Variants in XPOT observed in about 807,000 individuals in gnomAD.
The protein encoded by XPOT is exportin-T.
A neutral mutation model predicts 128.2 loss-of-function variants in XPOT; 34 were observed. The observed-to-expected ratio is 0.27, with a 90% CI of 0.20 to 0.35. The LOEUF (loss-of-function observed/expected upper bound fraction) is 0.35, where lower values mean the gene tolerates loss of function less well. Among genes scored for constraint, XPOT ranks in the 10% least tolerant of loss-of-function variants. The pLI, the probability that XPOT is intolerant of heterozygous loss-of-function variation, is 1.00. For missense variants in XPOT, 838 were observed against 1,125.3 expected (o/e 0.74, Z 3.65); for synonymous variants, 348 against 394.3 (o/e 0.88, Z 1.39).
chr12:64,414,826 C>A, intron 2 of XPOT, 81 bp from the exon 3 acceptor site: 1 of 858,928 alleles, frequency 1.2e-6, no homozygotes, highest in Non-Finnish European at 2.0e-6. Flanking sequence ...AGGTTTGCAA[C>A]TCTCAGAATA....
At chr12:64,433,777 A>T (rs2040259272) in intron 19 of XPOT, among the ~76,000 whole-genome samples, 174 bp downstream of exon 19, 1 of 152,180 alleles carries the variant, frequency 6.6e-6, no homozygotes, top group Non-Finnish European at 1.5e-5. Context: ...AAAGCACCTA[A>T]AATTAATTTG....
At chr12:64,414,027 G>A (rs2040064732) in intron 2 of XPOT, among the ~76,000 whole-genome samples, 1 of 152,140 alleles carries the variant, frequency 6.6e-6, no homozygotes. Context: ...AAATCATCTA[G>A]CAGTGCTTCC....
chr12:64,425,129 C>T lies in XPOT; in HGVS notation c.1399C>T (p.His467Tyr). The T allele has an allele frequency of 6.2e-7, 1 of 1,614,034 alleles. No homozygotes were observed. Among genetic ancestry groups the T allele is most frequent in the Non-Finnish European group, 8.5e-7 (1 of 1,179,992 alleles). Residue 467 changes from histidine to tyrosine, a missense_variant, in exon 13 of 25, where the codon CAC becomes TAC. Transcript: ENST00000332707. ...AGCTCTTCCAGTATCTCATGGTGCT[C>T]ACTTCTCAGGTGATGTTTCAAAAGC... ...AEALPVSHGA[H>Y]FSGDVSKASA...
intron 2 of XPOT, among the ~76,000 whole-genome samples, chr12:64,412,115 C>G (rs2040043828): frequency 6.7e-6 from 1 of 148,848 alleles, no homozygotes; most frequent in Admixed American, 6.9e-5. Flanking sequence ...CCTCCAACTC[C>G]CGGGTTCAAG....
intron 19 of XPOT, 114 bp downstream of exon 19, chr12:64,433,717 A>T (rs73313854): frequency 1.1e-5 from 11 of 982,112 alleles, no homozygotes; most frequent in Non-Finnish European, 1.6e-5. Flanking sequence ...TTGCTATCCC[A>T]TGGGAAGACA....
Position 64,425,695 on chromosome 12 carries a change from C to A in XPOT, c.1573-120C>A, listed in dbSNP as rs2040186442. ...TGTAGTTTAGAATTACTCGTATATT[C>A]CTAGTCCCTGCCTTTTAGGAGCTAA... On this transcript the variant is annotated intron_variant, in intron 14 of 24. Transcript: ENST00000332707. 3.7e-6 allele frequency: 4 copies of A among 1,067,046 alleles called. No individual in the cohort carries two copies. In the Admixed American group the frequency reaches 7.4e-5, roughly 20 times the overall value. The allele number at this position is 1,067,046 out of a possible 1,614,324, so 66.1% of individuals were successfully genotyped here.
chr12:64,413,252 G>A (rs959816780), intron 2 of XPOT, among the ~76,000 whole-genome samples: 4 of 152,118 alleles, frequency 2.6e-5, no homozygotes, highest in African/African-American at 9.7e-5. Context: ...GTAGGTGCAC[G>A]TCACCACTTC....
chr12:64,420,057 T>A lies in XPOT; in HGVS notation c.490-13T>A. 6.5e-7 allele frequency: 1 copy of A among 1,544,792 alleles called. No individual in the cohort carries two copies. Among genetic ancestry groups the A allele is most frequent in the Non-Finnish European group, 8.7e-7 (1 of 1,153,686 alleles). ...AAGGTAATCTACTTTGCATTTGGCG[T>A]TTTGTATTTTAGGAGGCTCGTAGGA... On this transcript the variant is annotated splice_polypyrimidine_tract_variant and intron_variant, in intron 6 of 24. Transcript: ENST00000332707.
chr12:64,417,850 T>G (rs2136017026), intron 4 of XPOT, among the ~76,000 whole-genome samples, 196 bp from the exon 5 acceptor site: 1 of 152,352 alleles, frequency 6.6e-6, no homozygotes, highest in Non-Finnish European at 1.5e-5. Flanking sequence ...AATTAAAGAT[T>G]GATATTGATG....
intron 23 of XPOT, among the ~76,000 whole-genome samples, chr12:64,439,831 A>G (rs1292467087): frequency 6.6e-6 from 1 of 152,232 alleles, no homozygotes; most frequent in African/African-American, 2.4e-5. Context: ...TTCTTGGCAT[A>G]TAATTTTCCA....
chr12:64,446,955 C>CAAAATAGCTTT (rs2040371330), intron 24 of XPOT, among the ~76,000 whole-genome samples: 1 of 152,122 alleles, frequency 6.6e-6, no homozygotes, highest in South Asian at 2.1e-4. Context: ...GGGCAATTTA[C>CAAAATAGCTTT]AAAATAGCTT....
intron 24 of XPOT, among the ~76,000 whole-genome samples, chr12:64,447,729 A>T (rs1306261387): frequency 6.6e-6 from 1 of 152,154 alleles, no homozygotes; most frequent in Non-Finnish European, 1.5e-5. Flanking sequence ...TCGGCCTCCC[A>T]AAGTGCTGGG....
At chr12:64,406,157 C>T (rs899854738) in intron 1 of XPOT, among the ~76,000 whole-genome samples, 1 of 152,220 alleles carries the variant, frequency 6.6e-6, no homozygotes, top group African/African-American at 2.4e-5. Flanking sequence ...CTCACTGCAA[C>T]CTCCCCCTCC....
At chr12:64,424,037 C>T (rs2136022676) in intron 11 of XPOT, among the ~76,000 whole-genome samples, 1 of 152,212 alleles carries the variant, frequency 6.6e-6, no homozygotes, top group South Asian at 2.1e-4. Flanking sequence ...GTTGTATTCC[C>T]CCACCTCAGA....
rs971212822 is a variant in XPOT at position 64,436,374 on chromosome 12, C to T, written c.2733+700C>T. 1.2e-4 allele frequency among the ~76,000 whole-genome samples: 19 copies of T among 152,112 alleles called. 1 individual carries two copies. Among genetic ancestry groups the T allele is most frequent in the Non-Finnish European group, 5.9e-5 (4 of 68,016 alleles). On this transcript the variant is annotated intron_variant, in intron 22 of 24. Transcript: ENST00000332707. ...GGAGTCTCAACTGATCCTCCCATCT[C>T]AATCTCCAGAGTAGCTGGGACCACA...
intron 9 of XPOT, among the ~76,000 whole-genome samples, chr12:64,421,829 T>G (rs1045533714): frequency 7.2e-5 from 11 of 152,178 alleles, no homozygotes; most frequent in African/African-American, 2.7e-4. Flanking sequence ...TTTTCTTTTT[T>G]GAGACGGAGT....
chr12:64,410,541 C>T (rs927774420), intron 2 of XPOT, among the ~76,000 whole-genome samples: 1 of 151,922 alleles, frequency 6.6e-6, no homozygotes, highest in East Asian at 1.9e-4. Context: ...AGGCTGGTCT[C>T]GAACTCCTGA....
At chr12:64,413,935 T>C (rs1233001113) in intron 2 of XPOT, among the ~76,000 whole-genome samples, 4 of 152,258 alleles carry the variant, frequency 2.6e-5, no homozygotes, top group African/African-American at 9.6e-5. Context: ...TTTAAAAATA[T>C]TTACCAATTG....
At chr12:64,412,645 C>A (rs933390211) in intron 2 of XPOT, among the ~76,000 whole-genome samples, 13 of 152,096 alleles carry the variant, frequency 8.5e-5, no homozygotes, top group African/African-American at 3.1e-4. Context: ...TTTCCAATAC[C>A]AACAACCAAC....
Sources: gnomAD v4.1 joint callset for allele counts (sites outside exome capture counted in the v4.1 genomes callset) on GRCh38, gnomAD v4.1.1 for gene constraint, MANE v1.5 for transcripts, NCBI Gene and HGNC (gene_info 2026-07-23, HGNC 2026-07-21) for gene names.